The following NRXN1 variants were observed in gnomAD, a reference collection of about 807,000 sequenced individuals.
The protein encoded by NRXN1 is neurexin-1.
NRXN1 carries 39 observed loss-of-function variants against 150.9 expected under a neutral mutation model. The ratio of observed to expected loss-of-function variants is 0.26; its 90% CI spans 0.20 to 0.34. NRXN1 has a LOEUF of 0.34. Among genes scored for constraint, NRXN1 ranks in the 10% least tolerant of loss-of-function variants. NRXN1 has a pLI of 1.00. For missense variants in NRXN1, 1,815 were observed against 1,949.9 expected, an observed-to-expected ratio of 0.93 and a Z score of 1.30; for synonymous variants, 924 against 757.0, an observed-to-expected ratio of 1.22 and a Z score of -3.62.
At chr2:50,706,147 C>T (rs192499175) in intron 5 of NRXN1, among the ~76,000 whole-genome samples, 94 of 152,250 alleles carry the variant, frequency 6.2e-4, no homozygotes, top group Admixed American at 1.2e-3. Context: ...AATCATGTAG[C>T]TATTTTACAA....
intron 21 of NRXN1, among the ~76,000 whole-genome samples, chr2:49,944,441 T>G (rs1672533870): frequency 6.6e-6 from 1 of 152,182 alleles, no homozygotes; most frequent in African/African-American, 2.4e-5. Context: ...TCATTATGGT[T>G]TCATAATAAA....
At chr2:50,622,951 ACCCCAATGT>A (rs904591672) in intron 6 of NRXN1, among the ~76,000 whole-genome samples, 3 of 152,108 alleles carry the variant, frequency 2.0e-5, no homozygotes, top group African/African-American at 7.2e-5. Flanking sequence ...TGACTTAATG[ACCCCAATGT>A]GCATGCTTCC....
intron 12 of NRXN1, among the ~76,000 whole-genome samples, chr2:50,517,035 G>C (rs149789476): frequency 6.6e-6 from 1 of 152,028 alleles, no homozygotes; most frequent in African/African-American, 2.4e-5. Flanking sequence ...GTTTTATCCT[G>C]GTTCTACAAG....
chr2:50,313,580 T>A (rs578125376), intron 17 of NRXN1, among the ~76,000 whole-genome samples: 1 of 152,152 alleles, frequency 6.6e-6, no homozygotes, highest in East Asian at 1.9e-4. Flanking sequence ...AGCCAAGGAA[T>A]CTGGGCAGGT....
At chr2:50,575,698 A>G (rs1671338902) in intron 8 of NRXN1, among the ~76,000 whole-genome samples, 2 of 152,188 alleles carry the variant, frequency 1.3e-5, no homozygotes, top group African/African-American at 4.8e-5. Context: ...TACCCATTTC[A>G]TAAGGACAGA....
intron 9 of NRXN1, among the ~76,000 whole-genome samples, chr2:50,545,624 G>A (rs1419581119): frequency 3.3e-5 from 5 of 152,128 alleles, no homozygotes; most frequent in Non-Finnish European, 7.4e-5. Flanking sequence ...TTCCTCTGAG[G>A]AATTACCTAT....
At chr2:50,084,858 T>A (rs1451993237) in intron 19 of NRXN1, among the ~76,000 whole-genome samples, 1 of 152,234 alleles carries the variant, frequency 6.6e-6, no homozygotes, top group Non-Finnish European at 1.5e-5. Flanking sequence ...TATCATTTCT[T>A]TCCATCTCCT....
In NRXN1 at chr2:50,796,861, T is replaced by C. The variant is rs574577645; in HGVS notation, c.832+125008A>G. ...TAATTTATAAACAAGAGAAATTTAT[T>C]GTTCTCAGTTTTGGAAACTAGGAAA... On this transcript the variant is annotated intron_variant, in intron 5 of 22. Transcript: ENST00000401669. 3.9e-5 allele frequency among the ~76,000 whole-genome samples: 6 copies of C among 152,290 alleles called. No homozygotes were observed. In the East Asian group the frequency reaches 7.7e-4, roughly 20 times the overall value.
At chr2:50,385,732 C>A (rs6722443) in intron 17 of NRXN1, among the ~76,000 whole-genome samples, 77,472 of 151,848 alleles carry the variant, frequency 0.51, 20,599 homozygotes, top group East Asian at 0.8. Context: ...AATCAACATC[C>A]TCATGTATTT....
chr2:50,008,226 C>G (rs1426433567), intron 21 of NRXN1, among the ~76,000 whole-genome samples: 1 of 152,074 alleles, frequency 6.6e-6, no homozygotes, highest in Non-Finnish European at 1.5e-5. Flanking sequence ...ATGATGACAT[C>G]TCCTAAGCAA....
chr2:50,762,537 T>C (rs780815313), intron 5 of NRXN1, among the ~76,000 whole-genome samples: 1 of 151,880 alleles, frequency 6.6e-6, no homozygotes, highest in Non-Finnish European at 1.5e-5. Flanking sequence ...TTGTCATCTT[T>C]ATGTCCATAG....
chr2:50,204,610 T>C (rs2062430889), intron 18 of NRXN1, among the ~76,000 whole-genome samples: 1 of 152,078 alleles, frequency 6.6e-6, no homozygotes, highest in African/African-American at 2.4e-5. Flanking sequence ...TAGTTGTGTG[T>C]TGTGTATAAA....
rs991424321 is a variant in NRXN1, at chr2:50,347,336, C to T, written c.3365-110366G>A. The T allele has an allele frequency of 2.4e-6, 3 of 1,245,516 alleles. No individual in the cohort carries two copies. 77.2% of individuals were successfully genotyped at this position (1,245,516 alleles called of 1,614,324 possible). ...TGGGGGGCCGAGAAATTGTTTAAAGCTCCTCCTGGAAGGTCCTCACTTCTA... is the reference window on the plus strand; with the variant it reads ...TGGGGGGCCGAGAAATTGTTTAAAGTTCCTCCTGGAAGGTCCTCACTTCTA... On this transcript the variant is annotated intron_variant, in intron 17 of 22. Transcript: ENST00000401669. This position sits in a 1 kb window ranked among gnomAD's most constrained non-coding sequence, Gnocchi z 4.9.
chr2:50,130,376 C>T (rs1705295511), intron 18 of NRXN1, among the ~76,000 whole-genome samples: 1 of 152,110 alleles, frequency 6.6e-6, no homozygotes, highest in Non-Finnish European at 1.5e-5. Flanking sequence ...ATCCTCTTCT[C>T]AGAAGGAATC....
intron 15 of NRXN1, among the ~76,000 whole-genome samples, chr2:50,487,320 T>C (rs2090944152): frequency 6.6e-6 from 1 of 152,206 alleles, no homozygotes; most frequent in Non-Finnish European, 1.5e-5. Context: ...TATATGCTTC[T>C]TGTATTGTCC....
intron 18 of NRXN1, among the ~76,000 whole-genome samples, chr2:50,202,025 T>C (rs770249717): frequency 3.9e-5 from 6 of 152,186 alleles, no homozygotes; most frequent in Non-Finnish European, 8.8e-5. Flanking sequence ...AATCAAGACA[T>C]TATGCCTTCT....
chr2:50,536,720 C>T (rs1039787707), intron 10 of NRXN1, among the ~76,000 whole-genome samples: 3 of 152,160 alleles, frequency 2.0e-5, no homozygotes, highest in Non-Finnish European at 4.4e-5. Context: ...CTGTATTATA[C>T]CTTGCAAGCT....
At chr2:50,757,729 A>G (rs1701321733) in intron 5 of NRXN1, among the ~76,000 whole-genome samples, 1 of 151,728 alleles carries the variant, frequency 6.6e-6, no homozygotes, top group African/African-American at 2.4e-5. Context: ...ATTGGGCATG[A>G]CCAGGAAAAA....
intron 5 of NRXN1, chr2:50,829,453 T>C: frequency 1.9e-6 from 3 of 1,543,302 alleles, no homozygotes; most frequent in Non-Finnish European, 2.7e-6. Context: ...CCTTTGCTGA[T>C]GTAGCCTGAC....
Sources: gnomAD v4.1 joint callset for allele counts (sites outside exome capture counted in the v4.1 genomes callset) on GRCh38, gnomAD v4.1.1 for gene constraint, Gnocchi (gnomAD v3.1) non-coding constraint, MANE v1.5 for transcripts, NCBI Gene and HGNC (gene_info 2026-07-23, HGNC 2026-07-21) for gene names.